Variants in ATP13A5 observed in about 807,000 individuals in gnomAD.
ATP13A5 encodes the protein ATPase 13A5.
A neutral mutation model predicts 150.2 loss-of-function variants in ATP13A5; 149 were observed. The ratio of observed to expected loss-of-function variants is 0.99; its 90% CI spans 0.87 to 1.14. ATP13A5 has a LOEUF of 1.14. Ranked by LOEUF, ATP13A5 falls within the 50% of genes most tolerant of loss-of-function variation. ATP13A5 has a pLI of 0.00. For synonymous variants in ATP13A5, 497 were observed against 522.2 expected, an observed-to-expected ratio of 0.95 and a Z score of 0.66; for missense variants, 1,383 against 1,449.3, an observed-to-expected ratio of 0.95 and a Z score of 0.74.
intron 29 of ATP13A5, among the ~76,000 whole-genome samples, chr3:193,276,288 G>A (rs944526724): frequency 7.2e-5 from 11 of 152,188 alleles, no homozygotes; most frequent in African/African-American, 2.7e-4. Context: ...GTGACACTGA[G>A]TAGAAAAGAA....
intron 7 of ATP13A5, among the ~76,000 whole-genome samples, chr3:193,346,136 A>G (rs757734604): frequency 2.0e-4 from 30 of 152,112 alleles, no homozygotes; most frequent in Non-Finnish European, 3.5e-4. Context: ...ACAGAATACA[A>G]TAGGGTTAAG....
intron 11 of ATP13A5, 37 bp downstream of exon 11, chr3:193,333,713 A>C: frequency 1.3e-6 from 2 of 1,590,928 alleles, no homozygotes. Context: ...TCTTTGCAGA[A>C]TCTATACTAT....
At chr3:193,341,555 C>T (rs1156473929) in intron 9 of ATP13A5, among the ~76,000 whole-genome samples, 1 of 152,112 alleles carries the variant, frequency 6.6e-6, no homozygotes, top group East Asian at 1.9e-4. Flanking sequence ...GGATCTGCTG[C>T]CCTGTCCAGG....
chr3:193,292,987 A>G (rs567391635), intron 25 of ATP13A5, among the ~76,000 whole-genome samples: 72 of 152,260 alleles, frequency 4.7e-4, no homozygotes, highest in African/African-American at 1.7e-3. Flanking sequence ...AGAGGCTCTA[A>G]TAAGTGTTTA....
At chr3:193,355,371 C>T (rs989348285) in intron 5 of ATP13A5, among the ~76,000 whole-genome samples, 3 of 152,072 alleles carry the variant, frequency 2.0e-5, no homozygotes, top group Non-Finnish European at 2.9e-5. Context: ...ACTCAAGCTC[C>T]GATAAACCAA....
intron 26 of ATP13A5, among the ~76,000 whole-genome samples, chr3:193,286,726 A>T (rs1434615781): frequency 1.3e-5 from 2 of 152,066 alleles, no homozygotes; most frequent in Non-Finnish European, 2.9e-5. Context: ...TCAATTAATA[A>T]CCCCACAGTG....
chr3:193,313,983 T>A, intron 19 of ATP13A5, 50 bp downstream of exon 19: 2 of 1,596,838 alleles, frequency 1.3e-6, no homozygotes, highest in South Asian at 2.2e-5. Flanking sequence ...GTGCCAGGAC[T>A]GTATTCCATC....
chr3:193,337,942 C>T (rs1385403591), intron 9 of ATP13A5, among the ~76,000 whole-genome samples: 8 of 152,084 alleles, frequency 5.3e-5, no homozygotes, highest in Non-Finnish European at 1.0e-4. Context: ...TGAAGAGGTC[C>T]TTCACATCCC....
At chr3:193,328,975 G>A (rs899640531) in intron 12 of ATP13A5, among the ~76,000 whole-genome samples, 8 of 152,178 alleles carry the variant, frequency 5.3e-5, no homozygotes, top group African/African-American at 1.4e-4. Context: ...GGCCGGGCAC[G>A]GTGGCTCACG....
chr3:193,364,173 C>G lies in ATP13A5; in HGVS notation c.171G>C (p.Trp57Cys), dbSNP rs1281238242. 1 of 1,601,286 alleles carries G rather than the reference C, an allele frequency of 6.2e-7. No homozygotes were observed. Among genetic ancestry groups the G allele is most frequent in the South Asian group, 1.1e-5 (1 of 91,054 alleles). ...LLLVFYWRPQ[W>C]RVWANCIPCP... The stretch of plus-strand genomic sequence containing the variant: ...ATGGGATGCAGTTGGCCCACACTCT[C>G]CACTGGGGTCTCCAGTAGAACACCA... The change falls in exon 2 of 30, where the codon TGG (tryptophan) becomes TGC (cysteine). Residue 57 changes from tryptophan (W) to cysteine (C), a missense_variant. Physicochemically the swap from Trp to Cys is radical, Grantham distance 215. Around this residue, in one of 3 missense-constraint regions of ATP13A5, gnomAD observed 787 missense variants for 771.9 expected, o/e 1.02. Transcript: ENST00000342358.
intron 12 of ATP13A5, among the ~76,000 whole-genome samples, chr3:193,330,629 C>T (rs1711595391): frequency 6.6e-6 from 1 of 152,204 alleles, no homozygotes; most frequent in Non-Finnish European, 1.5e-5. Context: ...TGCCACCTTT[C>T]CAGGTCCCTA....
At chr3:193,280,848 C>G (rs1270837264) in intron 27 of ATP13A5, among the ~76,000 whole-genome samples, 1 of 152,174 alleles carries the variant, frequency 6.6e-6, no homozygotes, top group East Asian at 1.9e-4. Flanking sequence ...TTTTCTCTTA[C>G]ACTCTACCTC....
At chr3:193,336,146 G>A (rs760953171) in intron 9 of ATP13A5, among the ~76,000 whole-genome samples, 1 of 151,918 alleles carries the variant, frequency 6.6e-6, no homozygotes, top group Non-Finnish European at 1.5e-5. Context: ...CTCTTTCTAG[G>A]TCATAACTGG....
intron 23 of ATP13A5, among the ~76,000 whole-genome samples, chr3:193,303,818 CACAT>C (rs1718504196): frequency 6.6e-6 from 1 of 151,492 alleles, no homozygotes; most frequent in Non-Finnish European, 1.5e-5. Context: ...TACACACACA[CACAT>C]ATTTATATAT....
At chr3:193,378,408 C>T (rs1395526257) in intron 1 of ATP13A5, among the ~76,000 whole-genome samples, 5 of 152,124 alleles carry the variant, frequency 3.3e-5, no homozygotes, top group Non-Finnish European at 4.4e-5. Context: ...TGTAAATGTG[C>T]GAGGAAACAT....
Position 193,322,514 on chromosome 3 carries a change from T to A in ATP13A5, c.1735A>T (p.Lys579Ter). The A allele has an allele frequency of 6.2e-7, 1 of 1,613,856 alleles. No individual in the cohort carries two copies. The highest frequency in any genetic ancestry group is 8.5e-7 in the Non-Finnish European group (1 of 1,179,794). ...KFGTSVSNIIKPGPKASKSPV... is the reference protein window; with the variant it reads ...KFGTSVSNII ...ACCTTACTGGCTTTTGGTCCTGGTT[T>A]TATGATGTTTGAAACTGACGTCCCA... Residue 579 changes from lysine to a stop codon, truncating the protein, a stop_gained, in exon 15 of 30, where the codon AAA (lysine) becomes TAA (stop). Coordinates refer to ENST00000342358, the MANE Select transcript of ATP13A5 (RefSeq NM_198505.4). LOFTEE classifies it high-confidence loss of function.
At chr3:193,344,163 C>T (rs1712235480) in intron 8 of ATP13A5, 108 bp from the exon 9 acceptor site, 3 of 1,356,252 alleles carry the variant, frequency 2.2e-6, no homozygotes, top group Non-Finnish European at 2.0e-6. Context: ...GCTACCCTAC[C>T]TGTTCAACTG....
At chr3:193,309,861 A>T (rs1718773638) in intron 21 of ATP13A5, among the ~76,000 whole-genome samples, 1 of 152,002 alleles carries the variant, frequency 6.6e-6, no homozygotes, top group South Asian at 2.1e-4. Context: ...ATTTTTTTTT[A>T]ATCCCCTTTT....
chr3:193,355,987 A>G (rs180722829), intron 5 of ATP13A5, among the ~76,000 whole-genome samples: 122 of 152,170 alleles, frequency 8.0e-4, no homozygotes, highest in African/African-American at 2.8e-3. Flanking sequence ...CACAGCTAAG[A>G]CCTTGTGCTT....
Sources: gnomAD v4.1 joint callset for allele counts (sites outside exome capture counted in the v4.1 genomes callset) on GRCh38, gnomAD v4.1.1 for gene constraint, gnomAD v4.1.1 regional missense constraint, MANE v1.5 for transcripts, NCBI Gene and HGNC (gene_info 2026-07-23, HGNC 2026-07-21) for gene names.